SH3D21: variants seen among roughly 807,000 people sequenced by gnomAD.
SH3D21 encodes SH3 domain-containing protein 21.
SH3D21 carries 83 observed loss-of-function variants against 82.1 expected under a neutral mutation model. The observed-to-expected ratio is 1.01, with a 90% CI of 0.85 to 1.21. The LOEUF (loss-of-function observed/expected upper bound fraction) is 1.21. SH3D21 is among the 50% of genes most tolerant of loss of function. SH3D21 has a pLI of 0.00. For synonymous variants in SH3D21, 383 were observed against 387.8 expected, an observed-to-expected ratio of 0.99 and a Z score of 0.15; for missense variants, 980 against 962.1, an observed-to-expected ratio of 1.02 and a Z score of -0.25.
Position 36,307,576 on chromosome 1 carries a change from C to T in SH3D21, c.405C>T (p.Asn135=). 6.4e-7 allele frequency: 1 copy of T among 1,551,652 alleles called. No homozygotes were observed. Among genetic ancestry groups the T allele is most frequent in the Non-Finnish European group, 8.7e-7 (1 of 1,146,974 alleles). ...KNGQLGAFPS[N]FVELLDSGPP... is the part of the protein sequence containing the mutation. ...GGCAGCTGGGAGCCTTCCCATCCAACTTTGTGGAATTGCTGGACAGTGGGC... is the reference window on the plus strand; with the variant it reads ...GGCAGCTGGGAGCCTTCCCATCCAATTTTGTGGAATTGCTGGACAGTGGGC... The change falls in exon 5 of 16, where the codon AAC becomes AAT. Residue 135 remains asparagine (N), a synonymous_variant. Transcript: ENST00000453908. The surrounding 1 kb of genome is among the most constrained non-coding windows in gnomAD (Gnocchi z 5.4).
chr1:36,313,209 A>G (rs1307551743), intron 10 of SH3D21, among the ~76,000 whole-genome samples: 3 of 152,102 alleles, frequency 2.0e-5, no homozygotes, highest in Non-Finnish European at 4.4e-5. Context: ...CTGTAGTCCC[A>G]GCTACTCGGG....
intron 10 of SH3D21, among the ~76,000 whole-genome samples, chr1:36,312,178 C>T (rs1646253917): frequency 6.6e-6 from 1 of 151,828 alleles, no homozygotes; most frequent in South Asian, 2.1e-4. Flanking sequence ...ACGCCCGCTA[C>T]CACGCCCGGC....
downstream of SH3D21, among the ~76,000 whole-genome samples, chr1:36,327,369 T>C (rs1646555524): frequency 1.3e-5 from 2 of 152,184 alleles, no homozygotes; most frequent in Admixed American, 6.5e-5. Flanking sequence ...GGAATATCGG[T>C]GTGTGCTACA....
rs1277407552 is a variant in SH3D21, at chr1:36,321,086, C to G, written c.2230C>G (p.Gln744Glu). The change falls in exon 16 of 16, where the codon CAG (glutamine) becomes GAG (glutamate). Residue 744 changes from glutamine (Q) to glutamate (E), a missense_variant. Gln to Glu is a conservative substitution (Grantham distance 29, BLOSUM62 2). Transcript: ENST00000453908. This position sits in a 1 kb window ranked among gnomAD's most constrained non-coding sequence, Gnocchi z 6.1. ...VQVMQGTQKS[Q>E]TPRVIHTQTQ... ...GGTGATGCAGGGGACCCAGAAGTCC[C>G]AGACCCCGCGCGTCATCCACACGCA... is the stretch of plus-strand genomic sequence containing the variant. 1.9e-6 allele frequency: 3 copies of G among 1,612,248 alleles called. No individual in the cohort carries two copies. In the African/African-American group the frequency reaches 4.0e-5, roughly 22 times the overall value.
At chr1:36,326,282 A>C (rs1447036996), downstream of SH3D21, among the ~76,000 whole-genome samples, 1 of 145,714 alleles carries the variant, frequency 6.9e-6, no homozygotes, top group African/African-American at 2.6e-5. Context: ...CCCAGGCTGG[A>C]GTACAAAGGC....
chr1:36,315,187 A>C (rs1280372062), intron 10 of SH3D21, among the ~76,000 whole-genome samples: 1 of 151,818 alleles, frequency 6.6e-6, no homozygotes, highest in East Asian at 2.0e-4. Flanking sequence ...GAGGCACAAG[A>C]ATCGCTTGAA....
At chr1:36,327,548 A>G (rs116805400), downstream of SH3D21, among the ~76,000 whole-genome samples, 703 of 152,304 alleles carry the variant, frequency 4.6e-3, 4 homozygotes, top group African/African-American at 0.016. Context: ...AGCTCTCTGT[A>G]TCTCTGCCTG....
In SH3D21 at chr1:36,308,229, G is replaced by A. The variant is rs185725071; in HGVS notation, c.639+20G>A. On this transcript the variant is annotated intron_variant, in intron 8 of 15. Transcript: ENST00000453908. ...AGCAAGGTGTGAGACGAACAGGGTG[G>A]GGGGGCCCAGGGAAGCCGGTGTTGA... 2.0e-6 allele frequency: 3 copies of A among 1,514,494 alleles called. No individual in the cohort carries two copies. The highest frequency in any genetic ancestry group is 1.4e-5 in the African/African-American group (1 of 72,228). 93.8% of individuals were successfully genotyped at this position (1,514,494 alleles called of 1,614,324 possible). A position where few individuals can be genotyped will look rare whatever the true frequency, so the allele number is the denominator to read the frequency against.
downstream of SH3D21, chr1:36,327,894 T>C (rs763832525): frequency 1.6e-6 from 2 of 1,287,724 alleles, no homozygotes; most frequent in Non-Finnish European, 2.0e-6. Flanking sequence ...CTTGACTGCC[T>C]GCTGCTCCCC....
chr1:36,322,717 C>A, downstream of SH3D21: 1 of 1,546,648 alleles, frequency 6.5e-7, no homozygotes, highest in Middle Eastern at 2.1e-4. Flanking sequence ...CCGAAGCTCT[C>A]GGGGTTGGCT....
At chr1:36,328,224 A>T, downstream of SH3D21, 1 of 435,934 alleles carries the variant, frequency 2.3e-6, no homozygotes, top group Non-Finnish European at 4.6e-6. Context: ...ATGGGAGGGG[A>T]CTTGTGAGTG....
intron 7 of SH3D21, 39 bp from the exon 8 acceptor site, chr1:36,308,070 G>T: frequency 6.5e-7 from 1 of 1,546,610 alleles, no homozygotes; most frequent in Non-Finnish European, 8.7e-7. Flanking sequence ...GGATGGGGGA[G>T]GCTTGGCTTC....
chr1:36,308,350 G>A, intron 8 of SH3D21, 39 bp from the exon 9 acceptor site: 3 of 1,541,372 alleles, frequency 1.9e-6, no homozygotes, highest in South Asian at 1.2e-5. Context: ...GACCTTGGGG[G>A]ACCTGGCTCA....
downstream of SH3D21, chr1:36,323,079 G>C: frequency 3.2e-6 from 5 of 1,586,970 alleles, no homozygotes; most frequent in Non-Finnish European, 4.3e-6. Context: ...TGCGAGGTCA[G>C]CAAAGTCAGA....
At chr1:36,325,821 G>C (rs1209992137), downstream of SH3D21, among the ~76,000 whole-genome samples, 1 of 152,196 alleles carries the variant, frequency 6.6e-6, no homozygotes, top group African/African-American at 2.4e-5. Context: ...AGGGATTACG[G>C]GCGTGAGCCA....
chr1:36,323,139 T>C, downstream of SH3D21: 1 of 1,317,230 alleles, frequency 7.6e-7, no homozygotes, highest in Non-Finnish European at 1.0e-6. Context: ...GGGCAGCTCC[T>C]CTCCCGGGAG....
At chr1:36,323,776 GCCGGGGAGGCCGCGGCAGGGACCC>G (rs1646511020), downstream of SH3D21, 2 of 152,292 alleles carry the variant, frequency 1.3e-5, no homozygotes, top group African/African-American at 4.8e-5. Context: ...ACAGGAAACC[GCCGGGGAGGCCGCGGCAGGGACCC>G]GCCCCCAGGC....
In SH3D21 at chr1:36,320,638, C is replaced by T; in HGVS notation, c.1975C>T (p.Pro659Ser). Residue 659 changes from proline to serine, a missense_variant, in exon 14 of 16, where the codon CCT (proline) becomes TCT (serine). Coordinates refer to ENST00000453908, the MANE Select transcript of SH3D21 (RefSeq NM_001162530.2). ...AAGAGCCTTTGCCCAAAAAACACGT[C>T]CTATCAAGCCGCCTCCAGACTCCCA... ...IERAFAQKTR[P>S]IKPPPDSQET... 1 of 1,614,258 alleles carries T rather than the reference C, an allele frequency of 6.2e-7. No homozygotes were observed. Among genetic ancestry groups the T allele is most frequent in the Non-Finnish European group, 8.5e-7 (1 of 1,180,038 alleles).
intron 10 of SH3D21, among the ~76,000 whole-genome samples, chr1:36,314,691 T>TA (rs1252727766): frequency 6.6e-6 from 1 of 152,162 alleles, no homozygotes; most frequent in African/African-American, 2.4e-5. Flanking sequence ...CCTGACCTTG[T>TA]GATCCACCCA....
Sources: allele counts gnomAD v4.1 joint callset (sites outside exome capture counted in the v4.1 genomes callset), GRCh38; gene constraint gnomAD v4.1.1; non-coding constraint Gnocchi (gnomAD v3.1); transcripts MANE v1.5; gene names NCBI Gene and HGNC (gene_info 2026-07-23, HGNC 2026-07-21).